ANKS1B: variants seen among roughly 807,000 people sequenced by gnomAD.
ANKS1B encodes ankyrin repeat and sterile alpha motif domain containing 1B.
ANKS1B carries 36 observed loss-of-function variants against 148.3 expected under a neutral mutation model. The ratio of observed to expected loss-of-function variants is 0.24; its 90% CI spans 0.19 to 0.32. ANKS1B has a LOEUF of 0.32. Ranked by LOEUF, ANKS1B falls within the 10% of genes least tolerant of loss-of-function variation. The pLI, the probability that ANKS1B is intolerant of heterozygous loss-of-function variation, is 1.00. For synonymous variants in ANKS1B, 542 were observed against 560.8 expected (o/e 0.97, Z 0.47); for missense variants, 1,157 against 1,542.6 (o/e 0.75, Z 4.19).
At chr12:98,932,001 C>A (rs2099814074) in intron 17 of ANKS1B, among the ~76,000 whole-genome samples, 1 of 152,142 alleles carries the variant, frequency 6.6e-6, no homozygotes, top group Non-Finnish European at 1.5e-5. Context: ...CCTGACAGAG[C>A]TCAGTCCCAT....
At chr12:98,911,046 C>T (rs573470055) in intron 17 of ANKS1B, among the ~76,000 whole-genome samples, 195 of 152,108 alleles carry the variant, frequency 1.3e-3, no homozygotes, top group Non-Finnish European at 1.8e-3. Context: ...GGAAGAGCTA[C>T]GGGATTTCAA....
chr12:99,088,558 T>A (rs988060524), intron 15 of ANKS1B, among the ~76,000 whole-genome samples: 10 of 152,304 alleles, frequency 6.6e-5, no homozygotes, highest in African/African-American at 2.4e-4. Context: ...AATATATATT[T>A]TTTTTTGACA....
intron 8 of ANKS1B, among the ~76,000 whole-genome samples, chr12:99,718,897 G>A (rs1477198845): frequency 1.3e-5 from 2 of 152,164 alleles, no homozygotes. Context: ...CTTCAGTCAA[G>A]ACCAAGTTTC....
chr12:99,880,607 AGTTGT>A (rs2092419499), intron 1 of ANKS1B, among the ~76,000 whole-genome samples: 1 of 152,250 alleles, frequency 6.6e-6, no homozygotes, highest in Non-Finnish European at 1.5e-5. Context: ...AGTATAGAAT[AGTTGT>A]GTACATGTGA....
intron 25 of ANKS1B, among the ~76,000 whole-genome samples, chr12:98,766,557 C>T (rs895931007): frequency 2.6e-5 from 4 of 152,172 alleles, no homozygotes; most frequent in African/African-American, 2.4e-5. Context: ...CACAGTATCA[C>T]AGTCAAATAG....
rs116680742 is a variant in ANKS1B, at chr12:99,798,636, G to A, written c.669+7768C>T. On this transcript the variant is annotated intron_variant, in intron 4 of 26. Transcript: ENST00000683438. ...AGAGTGCCAAAGAATAAAGGACCTA[G>A]AAAAACATCGTGTGAAGAATAAAGG... Among the ~76,000 whole-genome samples, 473 of 151,976 alleles carry A rather than the reference G, an allele frequency of 3.1e-3. 2 individuals are homozygous for A. Among genetic ancestry groups the A allele is most frequent in the African/African-American group, 0.011 (459 of 41,492 alleles).
At chr12:99,616,503 T>A (rs917463907) in intron 9 of ANKS1B, among the ~76,000 whole-genome samples, 24 of 152,102 alleles carry the variant, frequency 1.6e-4, no homozygotes, top group African/African-American at 5.6e-4. Context: ...TACAACCACC[T>A]GATCTTCAAC....
intron 12 of ANKS1B, among the ~76,000 whole-genome samples, chr12:99,254,065 G>A (rs1023675850): frequency 2.6e-5 from 4 of 152,170 alleles, no homozygotes; most frequent in African/African-American, 9.7e-5. Context: ...AGAAAACTAA[G>A]GAGACATTAC....
At chr12:99,160,281 A>G (rs940078470) in intron 14 of ANKS1B, among the ~76,000 whole-genome samples, 1 of 151,172 alleles carries the variant, frequency 6.6e-6, no homozygotes, top group Middle Eastern at 3.4e-3. Flanking sequence ...TTGAGGATTT[A>G]GTCATAAATT....
intron 16 of ANKS1B, among the ~76,000 whole-genome samples, chr12:99,081,427 T>A (rs1272851465): frequency 6.6e-6 from 1 of 152,136 alleles, no homozygotes; most frequent in Non-Finnish European, 1.5e-5. Context: ...AGACATTTTG[T>A]CCGTTTTCTG....
chr12:99,642,167 A>C (rs1202430747), intron 9 of ANKS1B, among the ~76,000 whole-genome samples: 1 of 152,230 alleles, frequency 6.6e-6, no homozygotes, highest in African/African-American at 2.4e-5. Context: ...TTTATTTTAA[A>C]AGTTATAAAA....
intron 10 of ANKS1B, among the ~76,000 whole-genome samples, chr12:99,456,220 G>A (rs936620759): frequency 6.6e-6 from 1 of 152,096 alleles, no homozygotes. Context: ...AGGGGAAAGG[G>A]AAGAGCACCA....
chr12:99,245,374 G>C (rs534640043), intron 13 of ANKS1B, among the ~76,000 whole-genome samples: 1 of 152,278 alleles, frequency 6.6e-6, no homozygotes, highest in African/African-American at 2.4e-5. Flanking sequence ...GGAATTTAAA[G>C]GAAGATATGA....
chr12:98,932,863 G>C (rs1285676316), intron 17 of ANKS1B, among the ~76,000 whole-genome samples: 1 of 151,988 alleles, frequency 6.6e-6, no homozygotes, highest in Non-Finnish European at 1.5e-5. Flanking sequence ...CTGACTTTCT[G>C]TGTGTGTGTG....
At chr12:98,763,415 A>AT (rs2098438831) in intron 25 of ANKS1B, among the ~76,000 whole-genome samples, 1 of 152,238 alleles carries the variant, frequency 6.6e-6, no homozygotes, top group Non-Finnish European at 1.5e-5. Flanking sequence ...TTCTGCTAAG[A>AT]TGTCTATCTG....
intron 10 of ANKS1B, among the ~76,000 whole-genome samples, chr12:99,487,399 G>A (rs1267157760): frequency 6.6e-6 from 1 of 152,118 alleles, no homozygotes; most frequent in Non-Finnish European, 1.5e-5. Context: ...CCATCATCAT[G>A]ACATAGACAT....
At chr12:99,330,953 G>A (rs1438004549) in intron 12 of ANKS1B, among the ~76,000 whole-genome samples, 1 of 151,980 alleles carries the variant, frequency 6.6e-6, no homozygotes, top group African/African-American at 2.4e-5. Flanking sequence ...ATGAAAGTGT[G>A]TGACCAAACA....
At chr12:99,112,814 C>T (rs982454585) in intron 15 of ANKS1B, among the ~76,000 whole-genome samples, 1 of 152,154 alleles carries the variant, frequency 6.6e-6, no homozygotes, top group Non-Finnish European at 1.5e-5. Flanking sequence ...GTGCTCTTTC[C>T]ATGTCGTCCT....
At chr12:99,806,872 G>A (rs1298199876) in intron 3 of ANKS1B, among the ~76,000 whole-genome samples, 172 bp from the exon 4 acceptor site, 1 of 142,160 alleles carries the variant, frequency 7.0e-6, no homozygotes, top group African/African-American at 2.6e-5. Flanking sequence ...AGGATTCATT[G>A]AATCAAAAAA....
Sources: gnomAD v4.1 joint callset for allele counts (sites outside exome capture counted in the v4.1 genomes callset) on GRCh38, gnomAD v4.1.1 for gene constraint, MANE v1.5 for transcripts, NCBI Gene and HGNC (gene_info 2026-07-23, HGNC 2026-07-21) for gene names.